Variants in PRELID1 observed in about 807,000 individuals in gnomAD.
PRELID1 encodes the protein PRELI domain containing 1, also known as PRELI domain-containing protein 1, mitochondrial.
In PRELID1, 15 loss-of-function variants were observed where a neutral mutation model predicts 29.0. The ratio of observed to expected loss-of-function variants is 0.52; its 90% CI spans 0.35 to 0.80. The LOEUF is 0.80. Ranked by LOEUF, PRELID1 falls within the 30% of genes least tolerant of loss-of-function variation. PRELID1 has a pLI of 0.01. For missense variants in PRELID1, 187 were observed against 275.9 expected, an observed-to-expected ratio of 0.68 and a Z score of 2.28; for synonymous variants, 79 against 106.5, an observed-to-expected ratio of 0.74 and a Z score of 1.59.
At chr5:177,304,498 A>T (rs1760803377) in intron 1 of PRELID1, 127 bp from the exon 2 acceptor site, 1 of 822,080 alleles carries the variant, frequency 1.2e-6, no homozygotes. Flanking sequence ...GAACCATAGC[A>T]CATACCACCC....
chr5:177,304,665 A>G lies in PRELID1; in HGVS notation c.133A>G (p.Thr45Ala). ...GGAAGACATAGTACACCGGGAGGTG[A>G]CCCCTGACCAGAAACTGCTGTCCCG... ...LTEDIVHREV[T>A]PDQKLLSRRL... Residue 45 changes from threonine (T) to alanine (A), a missense_variant, in exon 2 of 5, where the codon ACC (threonine) becomes GCC (alanine). Transcript: ENST00000303204. The G allele has an allele frequency of 6.2e-7, 1 of 1,613,924 alleles. No homozygotes were observed. The highest frequency in any genetic ancestry group is 1.7e-4 in the Middle Eastern group (1 of 6,058).
chr5:177,304,021 G>A lies in PRELID1; in HGVS notation c.36G>A (p.Arg12=), dbSNP rs141607057. 118 of 1,611,994 alleles carry A rather than the reference G, an allele frequency of 7.3e-5. 1 individual carries two copies. The highest frequency in any genetic ancestry group is 2.4e-4 in the South Asian group (22 of 91,066). The change falls in exon 1 of 5, where the codon CGG becomes CGA. Residue 12 remains arginine, a synonymous_variant. Coordinates refer to ENST00000303204, the MANE Select transcript of PRELID1 (RefSeq NM_013237.4). ...VKYFLGQSVL[R]SSWDQVFAAF... is the part of the protein sequence containing the mutation. ...ATTTCCTGGGCCAGAGCGTGCTCCG[G>A]AGTTCCTGGGACCAAGTGTTCGCCG...
At position 177,306,809 on chromosome 5, in the gene PRELID1, G is replaced by A. The variant is rs1029890885; in HGVS notation, c.*239G>A. ...GGCACAGAGGTGCGGTGACTTGCCC[G>A]GGGCTCCAGGTAGCCTGCAGGTTAA... On this transcript the variant is annotated 3_prime_UTR_variant, in exon 5 of 5. Transcript: ENST00000303204. The A allele has an allele frequency of 1.7e-5, 13 of 769,774 alleles. No individual in the cohort carries two copies. The highest frequency in any genetic ancestry group is 8.8e-5 in the African/African-American group (5 of 56,870). The allele number at this position is 769,774 out of a possible 1,614,324, so 47.7% of individuals were successfully genotyped here.
chr5:177,304,208 C>G, intron 1 of PRELID1, 131 bp downstream of exon 1: 1 of 893,784 alleles, frequency 1.1e-6, no homozygotes, highest in Non-Finnish European at 1.7e-6. Flanking sequence ...GGGGAAGCGG[C>G]CAGGCCAGGC....
chr5:177,305,625 C>G, intron 2 of PRELID1: 1 of 517,690 alleles, frequency 1.9e-6, no homozygotes, highest in South Asian at 2.2e-5. Context: ...GCTGGAAGGC[C>G]CTTTGTTGAT....
In PRELID1 at chr5:177,303,836, GGCA is replaced by G; in HGVS notation, c.-147_-145del. 1 of 508,592 alleles carries G rather than the reference GGCA, an allele frequency of 2.0e-6. No individual in the cohort carries two copies. The highest frequency in any genetic ancestry group is 3.2e-6 in the Non-Finnish European group (1 of 317,062). 31.5% of individuals were successfully genotyped at this position (508,592 alleles called of 1,614,324 possible). On this transcript the variant is annotated 5_prime_UTR_variant, in exon 1 of 5. Transcript: ENST00000303204. The surrounding 1 kb of genome is among the most constrained non-coding windows in gnomAD (Gnocchi z 6.1). ...AACTCATGGCGGCGGCGGCGGCGGC[GGCA>G]GCTGCTTGGGCGCGGTGCGGTGGTG... is the stretch of plus-strand genomic sequence containing the variant.
At chr5:177,304,368 G>A (rs972535398) in intron 1 of PRELID1, 25 of 605,780 alleles carry the variant, frequency 4.1e-5, no homozygotes, top group Non-Finnish European at 5.6e-5. Flanking sequence ...TTCTCTGCCC[G>A]TGGCGCTTTC....
Position 177,304,715 on chromosome 5 carries a change from G to A in PRELID1, c.183G>A (p.Arg61=), listed in dbSNP as rs1225442537. The A allele has an allele frequency of 6.2e-7, 1 of 1,613,932 alleles. No individual in the cohort carries two copies. Among genetic ancestry groups the A allele is most frequent in the African/African-American group, 1.3e-5 (1 of 74,914 alleles). Residue 61 remains arginine, a synonymous_variant, in exon 2 of 5, where the codon AGG becomes AGA. Transcript: ENST00000303204. The stretch of plus-strand genomic sequence containing the variant: ...GGCGACTCCTGACCAAGACCAACAG[G>A]ATGCCACGCTGGGCCGAGCGACTAT... ...LSRRLLTKTN[R]MPRWAERLFP...
chr5:177,305,363 C>T (rs537666606), intron 2 of PRELID1: 2 of 195,002 alleles, frequency 1.0e-5, no homozygotes, highest in East Asian at 1.3e-4. Flanking sequence ...CACACCACCA[C>T]GCCTGGCTAA....
intron 1 of PRELID1, 198 bp from the exon 2 acceptor site, chr5:177,304,427 C>T (rs769992128): frequency 1.5e-6 from 1 of 682,298 alleles, no homozygotes; most frequent in Non-Finnish European, 2.7e-6. Context: ...AGGCAGGAAT[C>T]CAGGTCAGTC....
intron 4 of PRELID1, 66 bp from the exon 5 acceptor site, chr5:177,306,356 G>A: frequency 1.9e-6 from 3 of 1,608,560 alleles, no homozygotes; most frequent in Non-Finnish European, 2.5e-6. Flanking sequence ...TTGGTGTCAT[G>A]GGGGAGGGAA....
chr5:177,305,109 C>A (rs1760827580), intron 2 of PRELID1, among the ~76,000 whole-genome samples: 1 of 152,154 alleles, frequency 6.6e-6, no homozygotes, highest in South Asian at 2.1e-4. Flanking sequence ...GTCCTAAGTT[C>A]TAAATGCAAA....
chr5:177,304,571 G>T (rs1760806255), intron 1 of PRELID1, 54 bp from the exon 2 acceptor site: 2 of 1,458,896 alleles, frequency 1.4e-6, no homozygotes, highest in Non-Finnish European at 1.9e-6. Context: ...AATCCCCTCG[G>T]GCAGTCTCTT....
rs764597274 is a variant in PRELID1, at chr5:177,306,608, C to T, written c.*38C>T. The T allele has an allele frequency of 6.3e-7, 1 of 1,591,360 alleles. No homozygotes were observed. Among genetic ancestry groups the T allele is most frequent in the Admixed American group, 1.8e-5 (1 of 56,514 alleles). The stretch of plus-strand genomic sequence containing the variant: ...CACCACAGCACCCCAGACAGCTAGG[C>T]TTAGCCTCTCTGCCCTCCCTTCATT... On this transcript the variant is annotated 3_prime_UTR_variant, in exon 5 of 5. Transcript: ENST00000303204.
At position 177,305,934 on chromosome 5, in the gene PRELID1, C is replaced by T. The variant is rs750409328; in HGVS notation, c.382C>T (p.Arg128Trp). 6.2e-6 allele frequency: 10 copies of T among 1,614,012 alleles called. No homozygotes were observed. The highest frequency in any genetic ancestry group is 2.2e-5 in the East Asian group (1 of 44,900). Residue 128 changes from arginine (R) to tryptophan (W), a missense_variant, in exon 3 of 5, where the codon CGG (arginine) becomes TGG (tryptophan). Coordinates refer to ENST00000303204, the MANE Select transcript of PRELID1 (RefSeq NM_013237.4). ...SDNSGWTEIR[R>W]EAWVSSSLFG... ...CAACAGTGGCTGGACTGAAATCCGC[C>T]GGGAAGCCTGGGTCTCCTCTAGCTT...
intron 2 of PRELID1, among the ~76,000 whole-genome samples, chr5:177,305,133 G>C (rs1433644984): frequency 1.3e-5 from 2 of 152,108 alleles, no homozygotes; most frequent in African/African-American, 4.8e-5. Flanking sequence ...CTCCCATCTG[G>C]CATCTATGGC....
chr5:177,304,637 G>C lies in PRELID1; in HGVS notation c.105G>C (p.Leu35Phe). The change falls in exon 2 of 5, where the codon TTG (leucine) becomes TTC (phenylalanine). Residue 35 changes from leucine (L) to phenylalanine (F), a missense_variant. Coordinates refer to ENST00000303204, the MANE Select transcript of PRELID1 (RefSeq NM_013237.4). ...RYPNPYSKHV[L>F]TEDIVHREVT... ...CTGACACCTGCAGCAAACATGTCTTGACGGAAGACATAGTACACCGGGAGG... is the reference window on the plus strand; with the variant it reads ...CTGACACCTGCAGCAAACATGTCTTCACGGAAGACATAGTACACCGGGAGG... 6.2e-7 allele frequency: 1 copy of C among 1,612,922 alleles called. No individual in the cohort carries two copies. Among genetic ancestry groups the C allele is most frequent in the Non-Finnish European group, 8.5e-7 (1 of 1,178,972 alleles).
At position 177,304,834 on chromosome 5, in the gene PRELID1, A is replaced by G. The variant is rs777306448; in HGVS notation, c.302A>G (p.Asn101Ser). Residue 101 changes from asparagine to serine, a missense_variant, in exon 2 of 5, where the codon AAC becomes AGC. Coordinates refer to ENST00000303204, the MANE Select transcript of PRELID1 (RefSeq NM_013237.4). ...QTMTTFTWNI[N>S]HARLMVVEER... is the part of the protein sequence containing the mutation. ...ATGACTACCTTCACCTGGAACATCA[A>G]CCACGCCCGGCTGATGGTGAGACAC... 2.5e-6 allele frequency: 4 copies of G among 1,610,518 alleles called. No individual in the cohort carries two copies. Among genetic ancestry groups the G allele is most frequent in the Admixed American group, 1.7e-5 (1 of 59,832 alleles).
rs572916584 is a variant in PRELID1, at chr5:177,304,151, A to G, written c.92+74A>G. 1,071 of 1,393,176 alleles carry G rather than the reference A, an allele frequency of 7.7e-4. 7 individuals carry two copies. In the Middle Eastern group the frequency reaches 0.019, roughly 24 times the overall value. 86.3% of individuals were successfully genotyped at this position (1,393,176 alleles called of 1,614,324 possible). A position where few individuals can be genotyped will look rare whatever the true frequency, so the allele number is the denominator to read the frequency against. On this transcript the variant is annotated intron_variant, in intron 1 of 4. Transcript: ENST00000303204. ...ATCGAATTATGGGTAACCCCCAAGT[A>G]CTGGGACCAGGAAGGACTCGATATC...
Sources: gnomAD v4.1 joint callset for allele counts (sites outside exome capture counted in the v4.1 genomes callset) on GRCh38, gnomAD v4.1.1 for gene constraint, Gnocchi (gnomAD v3.1) non-coding constraint, MANE v1.5 for transcripts, NCBI Gene and HGNC (gene_info 2026-07-23, HGNC 2026-07-21) for gene names.